Variants in GRB14 observed in about 807,000 individuals in gnomAD.
The protein encoded by GRB14 is growth factor receptor-bound protein 14.
GRB14 carries 38 observed loss-of-function variants against 69.1 expected under a neutral mutation model. The ratio of observed to expected loss-of-function variants is 0.55; its 90% CI spans 0.42 to 0.72. GRB14 has a LOEUF of 0.72. Among genes scored for constraint, GRB14 ranks in the 30% least tolerant of loss-of-function variants. The probability of loss-of-function intolerance (pLI) is 0.00; values close to 1 mark genes in which losing one functional copy is unlikely to be tolerated. For missense variants in GRB14, 666 were observed against 666.1 expected (o/e 1.00, Z 0.00); for synonymous variants, 247 against 241.3 (o/e 1.02, Z -0.22).
At chr2:164,600,968 G>T (rs1186033112) in intron 2 of GRB14, among the ~76,000 whole-genome samples, 3 of 151,684 alleles carry the variant, frequency 2.0e-5, no homozygotes, top group East Asian at 3.9e-4. Context: ...AGTGACCTGG[G>T]TTCTTTCCAA....
In GRB14 at chr2:164,492,997, C is replaced by T. The variant is rs1281017960; in HGVS notation, c.*39G>A. ...GGTCTTTTATTATTTTTCTTGAGTC[C>T]TTTTCCTTCAATAGTTTAATAAGTC... On this transcript the variant is annotated 3_prime_UTR_variant, in exon 14 of 14. Transcript: ENST00000263915. 5.1e-6 allele frequency: 8 copies of T among 1,559,580 alleles called. No individual in the cohort carries two copies. In the East Asian group the frequency reaches 9.2e-5, roughly 18 times the overall value.
intron 3 of GRB14, among the ~76,000 whole-genome samples, chr2:164,536,657 AC>A (rs1688087153): frequency 6.6e-6 from 1 of 152,196 alleles, no homozygotes; most frequent in African/African-American, 2.4e-5. Flanking sequence ...CGTCACCACA[AC>A]CTTACATTTA....
chr2:164,609,717 C>A (rs1690122471), intron 2 of GRB14, among the ~76,000 whole-genome samples: 1 of 152,156 alleles, frequency 6.6e-6, no homozygotes, highest in Non-Finnish European at 1.5e-5. Context: ...ATATTTCTCA[C>A]TGATGCACTC....
At chr2:164,516,577 T>A (rs1378313396) in intron 6 of GRB14, among the ~76,000 whole-genome samples, 2 of 152,108 alleles carry the variant, frequency 1.3e-5, no homozygotes, top group Non-Finnish European at 2.9e-5. Context: ...GCCCTATCTT[T>A]AGTCTCCTTA....
chr2:164,517,539 G>C (rs1419576679), intron 6 of GRB14, among the ~76,000 whole-genome samples: 1 of 152,104 alleles, frequency 6.6e-6, no homozygotes, highest in Non-Finnish European at 1.5e-5. Flanking sequence ...ACTGTAAATG[G>C]CCTAAATGTT....
intron 2 of GRB14, among the ~76,000 whole-genome samples, chr2:164,576,699 T>G (rs1037034352): frequency 6.6e-6 from 1 of 151,670 alleles, no homozygotes; most frequent in East Asian, 1.9e-4. Context: ...TTCATAAGCT[T>G]AAATACAGGT....
intron 2 of GRB14, among the ~76,000 whole-genome samples, chr2:164,555,689 A>T (rs192883083): frequency 1.3e-5 from 2 of 150,482 alleles, no homozygotes; most frequent in Admixed American, 6.6e-5. Context: ...TAGCATGATG[A>T]GACATATATA....
chr2:164,550,216 T>C (rs949870663), intron 2 of GRB14, among the ~76,000 whole-genome samples: 2 of 152,168 alleles, frequency 1.3e-5, no homozygotes, highest in South Asian at 2.1e-4. Context: ...CTCCTACATA[T>C]TGTCCTCCAT....
At chr2:164,575,360 C>G (rs756161962) in intron 2 of GRB14, among the ~76,000 whole-genome samples, 20 of 151,984 alleles carry the variant, frequency 1.3e-4, no homozygotes, top group Non-Finnish European at 2.4e-4. Context: ...TTGTAAAAAC[C>G]TGAGTGAAAT....
intron 2 of GRB14, among the ~76,000 whole-genome samples, chr2:164,554,173 C>T (rs1390307195): frequency 2.0e-5 from 3 of 151,754 alleles, no homozygotes; most frequent in African/African-American, 7.3e-5. Context: ...TTCTTAAGAA[C>T]CACTGAAGCA....
At chr2:164,576,008 C>G (rs1689243300) in intron 2 of GRB14, among the ~76,000 whole-genome samples, 1 of 151,896 alleles carries the variant, frequency 6.6e-6, no homozygotes, top group Non-Finnish European at 1.5e-5. Flanking sequence ...GGAAAGAGAA[C>G]CCTCTATAAC....
chr2:164,526,228 G>A (rs2105287574), intron 4 of GRB14, among the ~76,000 whole-genome samples: 1 of 152,048 alleles, frequency 6.6e-6, no homozygotes, highest in African/African-American at 2.4e-5. Flanking sequence ...ATTATGGTGT[G>A]TATCATATAT....
At chr2:164,569,749 G>A (rs1015092475) in intron 2 of GRB14, among the ~76,000 whole-genome samples, 1 of 152,136 alleles carries the variant, frequency 6.6e-6, no homozygotes, top group Middle Eastern at 3.2e-3. Context: ...CCCTCAGAAT[G>A]GTAGTTGGGA....
rs183991855 is a variant in GRB14 at position 164,610,264 on chromosome 2, T to C, written c.324+9423A>G. On this transcript the variant is annotated intron_variant, in intron 2 of 13. Transcript: ENST00000263915. Reference sequence around the variant, plus strand: ...TATACCTCTTGCTCTGAGAGACTCATACTATAAACCTAACTAATATTTCCA... The same window carrying C: ...TATACCTCTTGCTCTGAGAGACTCACACTATAAACCTAACTAATATTTCCA... 6.6e-5 allele frequency among the ~76,000 whole-genome samples: 10 copies of C among 152,348 alleles called. No individual in the cohort carries two copies. In the South Asian group the frequency reaches 1.0e-3, roughly 16 times the overall value.
intron 2 of GRB14, 101 bp downstream of exon 2, chr2:164,619,586 T>C (rs1439168298): frequency 9.3e-6 from 7 of 755,064 alleles, no homozygotes; most frequent in Admixed American, 2.9e-5. Context: ...ACAGAGCCCA[T>C]GCTAATCCTT....
At chr2:164,598,489 T>C (rs1689839390) in intron 2 of GRB14, among the ~76,000 whole-genome samples, 1 of 152,202 alleles carries the variant, frequency 6.6e-6, no homozygotes, top group African/African-American at 2.4e-5. Context: ...AAATTAAATG[T>C]ACAATTACAC....
chr2:164,540,946 A>G (rs1213148382), intron 3 of GRB14, among the ~76,000 whole-genome samples: 1 of 152,238 alleles, frequency 6.6e-6, no homozygotes, highest in Non-Finnish European at 1.5e-5. Context: ...GTAAAAAACT[A>G]CAAATACTCA....
At chr2:164,516,683 C>A (rs1442698071) in intron 6 of GRB14, among the ~76,000 whole-genome samples, 1 of 152,056 alleles carries the variant, frequency 6.6e-6, no homozygotes, top group Non-Finnish European at 1.5e-5. Context: ...ACTACCAAGC[C>A]AGCACTACAA....
chr2:164,617,118 CATAAA>C (rs1194093399), intron 2 of GRB14, among the ~76,000 whole-genome samples: 1 of 152,072 alleles, frequency 6.6e-6, no homozygotes, highest in Non-Finnish European at 1.5e-5. Context: ...AAAAAGGAAG[CATAAA>C]ATAAAGTAAA....
Sources: gnomAD v4.1 joint callset for allele counts (sites outside exome capture counted in the v4.1 genomes callset) on GRCh38, gnomAD v4.1.1 for gene constraint, MANE v1.5 for transcripts, NCBI Gene and HGNC (gene_info 2026-07-23, HGNC 2026-07-21) for gene names.